Variants in ACVR1C observed in about 807,000 individuals in gnomAD.
ACVR1C encodes the protein activin receptor type-1C.
ACVR1C carries 23 observed loss-of-function variants against 57.9 expected under a neutral mutation model. That is an observed-to-expected ratio of 0.40 (90% CI 0.29 to 0.56). The LOEUF is 0.56. Ranked by LOEUF, ACVR1C falls within the 20% of genes least tolerant of loss-of-function variation. The pLI is 0.50. For missense variants in ACVR1C, 480 were observed against 607.9 expected, an observed-to-expected ratio of 0.79 and a Z score of 2.21; for synonymous variants, 214 against 215.3, an observed-to-expected ratio of 0.99 and a Z score of 0.05.
chr2:157,546,565 T>C (rs1687760319), intron 4 of ACVR1C, among the ~76,000 whole-genome samples: 1 of 152,154 alleles, frequency 6.6e-6, no homozygotes, highest in Non-Finnish European at 1.5e-5. Flanking sequence ...TTTTTTAGAT[T>C]GGGGTTACAA....
At chr2:157,566,653 C>G (rs922940109) in intron 2 of ACVR1C, among the ~76,000 whole-genome samples, 8 of 151,770 alleles carry the variant, frequency 5.3e-5, no homozygotes, top group African/African-American at 1.9e-4. Flanking sequence ...CTTTTCAGAC[C>G]GGCTTAAGAA....
rs564875200 is a variant in ACVR1C, at chr2:157,527,600, G to C, written c.*6318C>G. ...TTTAAAAACCTGAAACACAGATCAA[G>C]TTTGAATAATCTTCTCCAGTCTAGA... On this transcript the variant is annotated 3_prime_UTR_variant, in exon 9 of 9. Coordinates refer to ENST00000243349, the MANE Select transcript of ACVR1C (RefSeq NM_145259.3). The C allele has an allele frequency of 4.7e-4, 72 of 152,270 alleles. No homozygotes were observed. The highest frequency in any genetic ancestry group is 1.7e-3 in the African/African-American group (70 of 41,558). 9.4% of individuals were successfully genotyped at this position (152,270 alleles called of 1,614,324 possible).
intron 1 of ACVR1C, among the ~76,000 whole-genome samples, chr2:157,599,337 A>G: frequency 7.3e-6 from 1 of 136,166 alleles, no homozygotes; most frequent in African/African-American, 2.7e-5. Context: ...AAAAAAAAAA[A>G]AAAAAAAAAA....
intron 3 of ACVR1C, among the ~76,000 whole-genome samples, chr2:157,553,181 C>T (rs1412138831): frequency 6.6e-6 from 1 of 152,168 alleles, no homozygotes; most frequent in Non-Finnish European, 1.5e-5. Context: ...ATCAGACTCC[C>T]CCCTCCTCCA....
At position 157,544,564 on chromosome 2, in the gene ACVR1C, T is replaced by C. The variant is rs769897176; in HGVS notation, c.824A>G (p.Gln275Arg). The C allele has an allele frequency of 6.2e-7, 1 of 1,613,596 alleles. No homozygotes were observed. Among genetic ancestry groups the C allele is most frequent in the South Asian group, 1.1e-5 (1 of 90,992 alleles). The change falls in exon 5 of 9, where the codon CAG becomes CGG. Residue 275 changes from glutamine to arginine, a missense_variant. Gln to Arg is a conservative substitution (Grantham distance 43, BLOSUM62 1). Transcript: ENST00000243349. ...QLWLVSEYHE[Q>R]GSLYDYLNRN... is the part of the protein sequence containing the mutation. ...ATTCAAATAGTCATATAAGGAGCCC[T>C]GTTCATGATATTCAGATACCAGCCA...
In ACVR1C at chr2:157,529,509, T is replaced by C. The variant is rs1393562258; in HGVS notation, c.*4409A>G. 4 of 152,098 alleles carry C rather than the reference T, an allele frequency of 2.6e-5. No individual in the cohort carries two copies. Among genetic ancestry groups the C allele is most frequent in the Admixed American group, 2.0e-4 (3 of 15,236 alleles). 9.4% of individuals were successfully genotyped at this position (152,098 alleles called of 1,614,324 possible). On this transcript the variant is annotated 3_prime_UTR_variant, in exon 9 of 9. Transcript: ENST00000243349. ...ATTTTTAATCAGTAAAAGTTGGGGATATGGCAGGGAACAGTGCTGGGTGTC... is the reference window on the plus strand; with the variant it reads ...ATTTTTAATCAGTAAAAGTTGGGGACATGGCAGGGAACAGTGCTGGGTGTC...
intron 3 of ACVR1C, among the ~76,000 whole-genome samples, chr2:157,554,547 C>A (rs901331778): frequency 6.6e-6 from 1 of 152,078 alleles, no homozygotes; most frequent in Non-Finnish European, 1.5e-5. Context: ...AAGATGCTAC[C>A]TAATGTGTAC....
At chr2:157,608,850 T>G (rs1682465911) in intron 1 of ACVR1C, among the ~76,000 whole-genome samples, 1 of 151,936 alleles carries the variant, frequency 6.6e-6, no homozygotes, top group Non-Finnish European at 1.5e-5. Context: ...ATTTTGTTTA[T>G]TTGTGTCTTC....
rs942679509 is a variant in ACVR1C at position 157,531,084 on chromosome 2, G to A, written c.*2834C>T. On this transcript the variant is annotated 3_prime_UTR_variant, in exon 9 of 9. Coordinates refer to ENST00000243349, the MANE Select transcript of ACVR1C (RefSeq NM_145259.3). ...CCTAAGGAGAATTTTTTTTTTTTTT[G>A]CTTATAACAAAATGTAAAAGAAATA... The A allele has an allele frequency of 7.2e-6, 1 of 138,642 alleles. No individual in the cohort carries two copies. Among genetic ancestry groups the A allele is most frequent in the African/African-American group, 2.7e-5 (1 of 36,512 alleles). 8.6% of individuals were successfully genotyped at this position (138,642 alleles called of 1,614,324 possible).
chr2:157,550,112 C>G (rs371672406), intron 4 of ACVR1C, 50 bp downstream of exon 4: 1 of 1,517,962 alleles, frequency 6.6e-7, no homozygotes, highest in East Asian at 2.3e-5. Context: ...GACAGAGTCT[C>G]GCTCTAGACA....
intron 1 of ACVR1C, among the ~76,000 whole-genome samples, chr2:157,621,382 T>C (rs1484103996): frequency 1.3e-5 from 2 of 152,152 alleles, no homozygotes; most frequent in Non-Finnish European, 2.9e-5. Context: ...GGCTTCTATG[T>C]AAATAAGGTC....
chr2:157,546,177 A>C (rs1687750880), intron 4 of ACVR1C, among the ~76,000 whole-genome samples: 1 of 152,236 alleles, frequency 6.6e-6, no homozygotes, highest in Non-Finnish European at 1.5e-5. Flanking sequence ...AGCACTGCTG[A>C]TTAATCCAAC....
Position 157,533,849 on chromosome 2 carries a change from A to C in ACVR1C, c.*69T>G. The C allele has an allele frequency of 7.0e-7, 1 of 1,431,426 alleles. No homozygotes were observed. Among genetic ancestry groups the C allele is most frequent in the Non-Finnish European group, 9.2e-7 (1 of 1,089,824 alleles). The allele number at this position is 1,431,426 out of a possible 1,614,324, so 88.7% of individuals were successfully genotyped here. A position where few individuals can be genotyped will look rare whatever the true frequency, so the allele number is the denominator to read the frequency against. On this transcript the variant is annotated 3_prime_UTR_variant, in exon 9 of 9. Transcript: ENST00000243349. ...GGTAGAACAAAAAAAAAATGGCAAA[A>C]ACATTCACATAAAGGGGAAAATGGA...
intron 2 of ACVR1C, among the ~76,000 whole-genome samples, chr2:157,584,685 CT>C (rs1196923661): frequency 6.6e-6 from 1 of 152,168 alleles, no homozygotes; most frequent in Non-Finnish European, 1.5e-5. Context: ...ATTTGGGAGA[CT>C]ATGAAGTTAA....
intron 1 of ACVR1C, among the ~76,000 whole-genome samples, chr2:157,589,350 T>C (rs1421394371): frequency 6.6e-6 from 1 of 152,028 alleles, no homozygotes; most frequent in Non-Finnish European, 1.5e-5. Context: ...GAAGTGTTTG[T>C]TCGTGTCATT....
chr2:157,536,768 A>G (rs989157255), intron 8 of ACVR1C, among the ~76,000 whole-genome samples: 1 of 152,198 alleles, frequency 6.6e-6, no homozygotes, highest in African/African-American at 2.4e-5. Flanking sequence ...TAATGATGGT[A>G]TAAAATGAGG....
chr2:157,535,824 T>C (rs541172284), intron 8 of ACVR1C, among the ~76,000 whole-genome samples: 1 of 152,282 alleles, frequency 6.6e-6, no homozygotes, highest in Non-Finnish European at 1.5e-5. Flanking sequence ...GACCATGGAC[T>C]AGAGTTCAGG....
chr2:157,601,060 G>A (rs1682268332), intron 1 of ACVR1C, among the ~76,000 whole-genome samples: 1 of 152,166 alleles, frequency 6.6e-6, no homozygotes, highest in Non-Finnish European at 1.5e-5. Flanking sequence ...GCTTGCACAT[G>A]TAATTCCAGC....
At chr2:157,586,879 T>G (rs569390619) in intron 2 of ACVR1C, among the ~76,000 whole-genome samples, 7 of 152,314 alleles carry the variant, frequency 4.6e-5, no homozygotes, top group African/African-American at 1.7e-4. Context: ...CAATCTCAAT[T>G]TCTTTTTAAA....
Sources: allele counts gnomAD v4.1 joint callset (sites outside exome capture counted in the v4.1 genomes callset), GRCh38; gene constraint gnomAD v4.1.1; transcripts MANE v1.5; gene names NCBI Gene and HGNC (gene_info 2026-07-23, HGNC 2026-07-21).